SV2C: variants seen among roughly 807,000 people sequenced by gnomAD.
The protein encoded by SV2C is synaptic vesicle glycoprotein 2C, also known as solute carrier family 22 member B3.
In SV2C, 49 loss-of-function variants were observed where a neutral mutation model predicts 79.7. The observed-to-expected ratio is 0.61, with a 90% CI of 0.49 to 0.78. The LOEUF (loss-of-function observed/expected upper bound fraction) is 0.78, where lower values mean the gene tolerates loss of function less well. SV2C is among the 30% of genes least tolerant of loss of function. SV2C has a pLI of 0.00. For missense variants in SV2C, 833 were observed against 912.9 expected, an observed-to-expected ratio of 0.91 and a Z score of 1.13; for synonymous variants, 334 against 333.2, an observed-to-expected ratio of 1.00 and a Z score of -0.03.
chr5:75,886,119 C>G, the SV2C span, among the ~76,000 whole-genome samples: 1 of 152,046 alleles, frequency 6.6e-6, no homozygotes, highest in Non-Finnish European at 1.5e-5. Flanking sequence ...GTGAGTCAGC[C>G]CCTTTTAGCT....
At chr5:76,151,275 A>G (rs561836027) in intron 2 of SV2C, among the ~76,000 whole-genome samples, 9 of 152,206 alleles carry the variant, frequency 5.9e-5, no homozygotes, top group Non-Finnish European at 1.3e-4. Context: ...AATAGATTAC[A>G]GTTCCAGTTT....
At chr5:75,860,442 C>T in the SV2C span, among the ~76,000 whole-genome samples, 1 of 152,102 alleles carries the variant, frequency 6.6e-6, no homozygotes, top group Admixed American at 6.5e-5. Flanking sequence ...TCATAAATGA[C>T]ACAAACAAAT....
At chr5:75,987,368 A>G in the SV2C span, among the ~76,000 whole-genome samples, 1,798 of 152,060 alleles carry the variant, frequency 0.012, 10 homozygotes, top group Non-Finnish European at 0.017. Flanking sequence ...TGATTATTCC[A>G]TCAATTTCCC....
chr5:76,197,487 G>A (rs1744301838), intron 3 of SV2C, among the ~76,000 whole-genome samples: 1 of 152,078 alleles, frequency 6.6e-6, no homozygotes, highest in Non-Finnish European at 1.5e-5. Flanking sequence ...ATAATAAATG[G>A]TGAGTACCTA....
intron 2 of SV2C, among the ~76,000 whole-genome samples, chr5:76,152,126 C>G (rs1421972657): frequency 6.6e-6 from 1 of 152,116 alleles, no homozygotes; most frequent in African/African-American, 2.4e-5. Flanking sequence ...TAGATGAGTG[C>G]TTCTGAGGGG....
At chr5:76,338,020 G>A (rs1749360918), downstream of SV2C, among the ~76,000 whole-genome samples, 1 of 152,174 alleles carries the variant, frequency 6.6e-6, no homozygotes, top group Admixed American at 6.5e-5. Context: ...GCCTGGAGTT[G>A]GATAAGACCA....
At chr5:76,167,769 G>A (rs986613233) in intron 2 of SV2C, among the ~76,000 whole-genome samples, 10 of 152,192 alleles carry the variant, frequency 6.6e-5, no homozygotes, top group Non-Finnish European at 1.3e-4. Context: ...TGGTGGTGAA[G>A]AGTCTTCAGA....
At chr5:76,199,924 C>T (rs1744385830) in intron 3 of SV2C, among the ~76,000 whole-genome samples, 1 of 152,236 alleles carries the variant, frequency 6.6e-6, no homozygotes, top group African/African-American at 2.4e-5. Context: ...TCTTTGTACC[C>T]AGCTAAATAT....
the SV2C span, among the ~76,000 whole-genome samples, chr5:76,011,045 C>T: frequency 1.3e-5 from 2 of 152,116 alleles, no homozygotes; most frequent in African/African-American, 4.8e-5. Flanking sequence ...TCCACACCCA[C>T]CAATGTGGCA....
chr5:75,916,082 T>C, the SV2C span, among the ~76,000 whole-genome samples: 1 of 152,176 alleles, frequency 6.6e-6, no homozygotes, highest in Non-Finnish European at 1.5e-5. Flanking sequence ...GTCTGTGGTA[T>C]TATATGATCT....
At chr5:76,284,470 G>T (rs1747286237) in intron 4 of SV2C, among the ~76,000 whole-genome samples, 1 of 152,074 alleles carries the variant, frequency 6.6e-6, no homozygotes, top group South Asian at 2.1e-4. Flanking sequence ...TTAGCGAAGG[G>T]ACTCTTTATG....
At chr5:75,968,545 C>A in the SV2C span, among the ~76,000 whole-genome samples, 7 of 152,168 alleles carry the variant, frequency 4.6e-5, no homozygotes, top group East Asian at 1.3e-3. Context: ...GCCTCAGTAA[C>A]CAATGCAATC....
At chr5:75,852,328 T>C in the SV2C span, among the ~76,000 whole-genome samples, 443 of 152,102 alleles carry the variant, frequency 2.9e-3, 9 homozygotes, top group East Asian at 0.038. Context: ...ATTTAAAAAG[T>C]CAATTTACCC....
the SV2C span, among the ~76,000 whole-genome samples, chr5:75,962,226 T>C: frequency 6.6e-6 from 1 of 152,146 alleles, no homozygotes; most frequent in Admixed American, 6.5e-5. Context: ...CCATGTGTTC[T>C]TCAGTAAACT....
At chr5:75,852,825 C>CAAAAAAAAAA in the SV2C span, among the ~76,000 whole-genome samples, 13 of 81,012 alleles carry the variant, frequency 1.6e-4, no homozygotes, top group East Asian at 4.2e-4. Flanking sequence ...GACTCCGTCT[C>CAAAAAAAAAA]AAAAAAAAAA....
the SV2C span, among the ~76,000 whole-genome samples, chr5:75,878,884 G>A: frequency 1.3e-5 from 2 of 152,164 alleles, no homozygotes; most frequent in Admixed American, 1.3e-4. Context: ...TCATGGTTCT[G>A]AAAGCTGTAC....
the SV2C span, among the ~76,000 whole-genome samples, chr5:76,065,460 C>T: frequency 1.3e-5 from 2 of 152,160 alleles, no homozygotes; most frequent in African/African-American, 4.8e-5. Context: ...TCAAAGTTCA[C>T]ACTAAGCACA....
At chr5:76,101,890 G>A (rs1358445740) in intron 1 of SV2C, among the ~76,000 whole-genome samples, 2 of 152,164 alleles carry the variant, frequency 1.3e-5, no homozygotes, top group Non-Finnish European at 1.5e-5. Context: ...AGTAGAAGGG[G>A]AAGAGGAAAG....
chr5:76,197,760 C>G (rs570854191), intron 3 of SV2C, among the ~76,000 whole-genome samples: 9 of 38,028 alleles, frequency 2.4e-4, no homozygotes, highest in Non-Finnish European at 4.0e-4. Flanking sequence ...ATTAAGGCAA[C>G]GGCTCACACA....
Sources: gnomAD v4.1 joint callset for allele counts (sites outside exome capture counted in the v4.1 genomes callset) on GRCh38, gnomAD v4.1.1 for gene constraint, MANE v1.5 for transcripts, NCBI Gene and HGNC (gene_info 2026-07-23, HGNC 2026-07-21) for gene names.